LDB2: variants seen among roughly 807,000 people sequenced by gnomAD.
LDB2 encodes LIM domain-binding protein 2.
In LDB2, 12 loss-of-function variants were observed where a neutral mutation model predicts 44.3. The observed-to-expected ratio is 0.27, with a 90% CI of 0.17 to 0.44. The LOEUF is 0.44. Among genes scored for constraint, LDB2 ranks in the 20% least tolerant of loss-of-function variants. The pLI, the probability that LDB2 is intolerant of heterozygous loss-of-function variation, is 1.00. For missense variants in LDB2, 344 were observed against 473.5 expected (o/e 0.73, Z 2.54); for synonymous variants, 164 against 174.8 (o/e 0.94, Z 0.49).
chr4:16,837,184 C>T (rs2076556110), intron 1 of LDB2, among the ~76,000 whole-genome samples: 1 of 152,162 alleles, frequency 6.6e-6, no homozygotes, highest in South Asian at 2.1e-4. Flanking sequence ...ATTTTTCTGA[C>T]ATGGACATAT....
intron 6 of LDB2, among the ~76,000 whole-genome samples, chr4:16,510,279 G>C (rs16893569): frequency 0.016 from 2,371 of 151,908 alleles, 63 homozygotes; most frequent in East Asian, 0.095. Flanking sequence ...TTTTTTTATC[G>C]TCCCTAAATA....
At chr4:16,528,379 G>A (rs1728981296) in intron 5 of LDB2, among the ~76,000 whole-genome samples, 1 of 152,156 alleles carries the variant, frequency 6.6e-6, no homozygotes, top group South Asian at 2.1e-4. Context: ...TTTTAAATAA[G>A]GTAATTGAGG....
intron 1 of LDB2, among the ~76,000 whole-genome samples, chr4:16,829,922 T>C (rs144348418): frequency 9.7e-4 from 148 of 152,164 alleles, no homozygotes; most frequent in African/African-American, 3.3e-3. Context: ...CTGGCCGACA[T>C]GGTGAAACCC....
At chr4:16,571,905 C>A (rs907346243) in intron 5 of LDB2, among the ~76,000 whole-genome samples, 1 of 152,206 alleles carries the variant, frequency 6.6e-6, no homozygotes. Flanking sequence ...GCCTTCTTCT[C>A]TTTCACATAT....
chr4:16,681,362 A>G (rs569510971), intron 2 of LDB2, among the ~76,000 whole-genome samples: 1 of 152,314 alleles, frequency 6.6e-6, no homozygotes, highest in East Asian at 1.9e-4. Context: ...AACAATCTGA[A>G]TGAGCTTGCA....
At chr4:16,832,077 T>C (rs879665997) in intron 1 of LDB2, among the ~76,000 whole-genome samples, 1 of 152,196 alleles carries the variant, frequency 6.6e-6, no homozygotes, top group Non-Finnish European at 1.5e-5. Context: ...TTAAAACTGT[T>C]ATTTTGGGTA....
chr4:16,579,615 C>T (rs1175928024), intron 5 of LDB2, among the ~76,000 whole-genome samples: 3 of 152,050 alleles, frequency 2.0e-5, no homozygotes, highest in African/African-American at 7.2e-5. Context: ...TACCATGTTG[C>T]CTTTTATTTT....
At chr4:16,851,238 T>C (rs1788168174) in intron 1 of LDB2, among the ~76,000 whole-genome samples, 1 of 151,824 alleles carries the variant, frequency 6.6e-6, no homozygotes, top group Non-Finnish European at 1.5e-5. Flanking sequence ...TGTGAAAAAT[T>C]AACATATGCT....
At chr4:16,514,118 G>A (rs1473261187) in intron 5 of LDB2, among the ~76,000 whole-genome samples, 1 of 152,128 alleles carries the variant, frequency 6.6e-6, no homozygotes, top group Non-Finnish European at 1.5e-5. Context: ...TACTCTCTTT[G>A]TCCAATCACA....
At chr4:16,703,065 T>A (rs1351026510) in intron 2 of LDB2, among the ~76,000 whole-genome samples, 1 of 152,170 alleles carries the variant, frequency 6.6e-6, no homozygotes, top group Non-Finnish European at 1.5e-5. Flanking sequence ...ATCCAGCGTC[T>A]TCTGTGTGCC....
intron 2 of LDB2, among the ~76,000 whole-genome samples, chr4:16,665,251 C>CT (rs565947616): frequency 2.2e-4 from 1 of 4,556 alleles, no homozygotes; most frequent in Admixed American, 6.9e-3. Flanking sequence ...AGTAGATATT[C>CT]TCTTTTTTTT....
In LDB2 at chr4:16,552,309, A is replaced by G. The variant is rs189329975; in HGVS notation, c.615+33613T>C. ...CAAAGCATTAAAAAATCCACTTTTT[A>G]TTATTCCAATTTTTTTGAATTTTAT... On this transcript the variant is annotated intron_variant, in intron 5 of 7. Coordinates refer to ENST00000304523, the MANE Select transcript of LDB2 (RefSeq NM_001290.5). Among the ~76,000 whole-genome samples the G allele has an allele frequency of 1.2e-4, 19 of 152,296 alleles. No individual in the cohort carries two copies. The East Asian group carries it at 3.1e-3, about 25-fold the overall frequency.
At chr4:16,572,618 G>C (rs975864343) in intron 5 of LDB2, among the ~76,000 whole-genome samples, 9 of 151,912 alleles carry the variant, frequency 5.9e-5, no homozygotes, top group African/African-American at 1.9e-4. Flanking sequence ...TTAATGTGCT[G>C]ATAGTCATTT....
At chr4:16,684,103 GATCT>G (rs1553961106) in intron 2 of LDB2, among the ~76,000 whole-genome samples, 4 of 152,198 alleles carry the variant, frequency 2.6e-5, no homozygotes, top group Non-Finnish European at 1.5e-5. Flanking sequence ...AATGGGAACT[GATCT>G]ATTAAGAGCA....
chr4:16,565,964 C>G (rs1347356950), intron 5 of LDB2, among the ~76,000 whole-genome samples: 2 of 151,676 alleles, frequency 1.3e-5, no homozygotes, highest in Non-Finnish European at 2.9e-5. Flanking sequence ...ACACATGTAT[C>G]TATACATACA....
intron 2 of LDB2, among the ~76,000 whole-genome samples, chr4:16,666,720 A>C (rs1743343988): frequency 6.6e-6 from 1 of 152,192 alleles, no homozygotes; most frequent in African/African-American, 2.4e-5. Flanking sequence ...TATTTTGCAG[A>C]ATCTAAAAAA....
At chr4:16,883,036 C>T (rs572192539) in intron 1 of LDB2, among the ~76,000 whole-genome samples, 9 of 152,162 alleles carry the variant, frequency 5.9e-5, no homozygotes, top group South Asian at 4.1e-4. Context: ...AAACAACCAT[C>T]GAGCCTTCCT....
chr4:16,862,975 T>C (rs1055660510), intron 1 of LDB2, among the ~76,000 whole-genome samples: 19 of 152,032 alleles, frequency 1.2e-4, no homozygotes, highest in African/African-American at 4.3e-4. Context: ...GTCAGCTGAG[T>C]AAGGGCGCCA....
chr4:16,672,421 C>G (rs891776324), intron 2 of LDB2, among the ~76,000 whole-genome samples: 1 of 152,218 alleles, frequency 6.6e-6, no homozygotes, highest in African/African-American at 2.4e-5. Flanking sequence ...TTGGCACCAT[C>G]TGAGCCAAGG....
Sources: allele counts gnomAD v4.1 joint callset (sites outside exome capture counted in the v4.1 genomes callset), GRCh38; gene constraint gnomAD v4.1.1; transcripts MANE v1.5; gene names NCBI Gene and HGNC (gene_info 2026-07-23, HGNC 2026-07-21).